RAB6A: variants seen among roughly 807,000 people sequenced by gnomAD.
RAB6A encodes ras-related protein Rab-6A.
In RAB6A, 8 loss-of-function variants were observed where a neutral mutation model predicts 32.3. The ratio of observed to expected loss-of-function variants is 0.25; its 90% CI spans 0.15 to 0.45. RAB6A has a LOEUF of 0.45. RAB6A is among the 20% of genes least tolerant of loss of function. The pLI is 1.00. For synonymous variants in RAB6A, 73 were observed against 82.1 expected (o/e 0.89, Z 0.60); for missense variants, 104 against 249.4 (o/e 0.42, Z 3.93).
At chr11:73,681,043 A>G (rs1287325516) in intron 6 of RAB6A, among the ~76,000 whole-genome samples, 1 of 152,166 alleles carries the variant, frequency 6.6e-6, no homozygotes, top group Non-Finnish European at 1.5e-5. Context: ...TCAATTATTT[A>G]TCTTTTAATT....
intron 1 of RAB6A, among the ~76,000 whole-genome samples, chr11:73,739,284 A>ATAT (rs1555066942): frequency 3.0e-4 from 2 of 6,762 alleles, no homozygotes; most frequent in Non-Finnish European, 3.4e-4. Flanking sequence ...AAAAAAAAAA[A>ATAT]ATATATATAT....
At chr11:73,739,284 A>AAAATATATATATATATAT (rs1208877325) in intron 1 of RAB6A, among the ~76,000 whole-genome samples, 2 of 6,762 alleles carry the variant, frequency 3.0e-4, no homozygotes, top group Non-Finnish European at 3.4e-4. Flanking sequence ...AAAAAAAAAA[A>AAAATATATATATATATAT]ATATATATAT....
At chr11:73,680,076 C>T (rs897531181) in intron 6 of RAB6A, among the ~76,000 whole-genome samples, 5 of 152,056 alleles carry the variant, frequency 3.3e-5, no homozygotes, top group African/African-American at 1.2e-4. Context: ...CCAGCCCGGG[C>T]AACAGGGCGA....
At chr11:73,730,881 A>G in intron 1 of RAB6A, 58 bp from the exon 2 acceptor site, 2 of 1,344,962 alleles carry the variant, frequency 1.5e-6, no homozygotes, top group South Asian at 1.3e-5. Flanking sequence ...GGTTCTCAGA[A>G]AATTTTTCTA....
chr11:73,717,388 C>G (rs1042015799), intron 4 of RAB6A, among the ~76,000 whole-genome samples: 1 of 152,160 alleles, frequency 6.6e-6, no homozygotes, highest in Non-Finnish European at 1.5e-5. Flanking sequence ...AAGAAAGCCC[C>G]AGATACTGGG....
At chr11:73,757,547 T>C (rs768666257) in intron 1 of RAB6A, among the ~76,000 whole-genome samples, 1 of 152,116 alleles carries the variant, frequency 6.6e-6, no homozygotes, top group Non-Finnish European at 1.5e-5. Flanking sequence ...TTGGTATAAT[T>C]TGAATACTTT....
intron 3 of RAB6A, 54 bp from the exon 4 acceptor site, chr11:73,718,772 G>A (rs1456865052): frequency 6.2e-7 from 1 of 1,613,796 alleles, no homozygotes; most frequent in African/African-American, 1.3e-5. Flanking sequence ...TCAACCCGTT[G>A]CAATATACCT....
At chr11:73,718,915 A>T (rs774250337) in intron 3 of RAB6A, 197 bp from the exon 4 acceptor site, 6 of 1,534,314 alleles carry the variant, frequency 3.9e-6, no homozygotes, top group Non-Finnish European at 5.3e-6. Context: ...AAAATAAATA[A>T]AAAAAAAAAA....
chr11:73,750,911 T>G (rs557297227), intron 1 of RAB6A, among the ~76,000 whole-genome samples: 1 of 152,000 alleles, frequency 6.6e-6, no homozygotes, highest in Non-Finnish European at 1.5e-5. Flanking sequence ...CAACCTCCTA[T>G]GCTCAAGCCA....
chr11:73,724,224 C>T (rs978144555), intron 2 of RAB6A, among the ~76,000 whole-genome samples: 1 of 152,186 alleles, frequency 6.6e-6, no homozygotes, highest in African/African-American at 2.4e-5. Context: ...AGATATCCCA[C>T]TGAACACTTC....
At chr11:73,710,399 TG>T (rs1345463305) in intron 5 of RAB6A, among the ~76,000 whole-genome samples, 1 of 152,018 alleles carries the variant, frequency 6.6e-6, no homozygotes, top group African/African-American at 2.4e-5. Context: ...ACAATCATTT[TG>T]AAATAACAAT....
At chr11:73,738,339 T>C (rs1260212788) in intron 1 of RAB6A, among the ~76,000 whole-genome samples, 1 of 152,000 alleles carries the variant, frequency 6.6e-6, no homozygotes, top group Non-Finnish European at 1.5e-5. Context: ...TTAATGCCAC[T>C]GAACTACACA....
chr11:73,713,528 A>G (rs1946000559), intron 5 of RAB6A, among the ~76,000 whole-genome samples: 1 of 151,520 alleles, frequency 6.6e-6, no homozygotes, highest in Non-Finnish European at 1.5e-5. Context: ...AGATTGCGCC[A>G]CTGCACTCCA....
rs1590812905 is a variant in RAB6A, at chr11:73,675,704, T to G, written c.*2194A>C. On this transcript the variant is annotated 3_prime_UTR_variant, in exon 8 of 8. Coordinates refer to ENST00000336083, the MANE Select transcript of RAB6A (RefSeq NM_198896.2). ...AATTGTGTTTATTAAAAAAAAAACCTGGACTATGAACACACTTCAATGCTT... is the reference window on the plus strand; with the variant it reads ...AATTGTGTTTATTAAAAAAAAAACCGGGACTATGAACACACTTCAATGCTT... The G allele has an allele frequency of 1.3e-5, 2 of 156,658 alleles. No homozygotes were observed. The highest frequency in any genetic ancestry group is 3.9e-4 in the East Asian group (2 of 5,190). 9.7% of individuals were successfully genotyped at this position (156,658 alleles called of 1,614,324 possible).
intron 1 of RAB6A, among the ~76,000 whole-genome samples, chr11:73,750,866 G>C (rs1389877236): frequency 1.3e-5 from 2 of 151,982 alleles, no homozygotes; most frequent in African/African-American, 4.8e-5. Flanking sequence ...TCCCAGGCTA[G>C]AGTGAGGTGA....
At chr11:73,751,702 CAA>C (rs140328634) in intron 1 of RAB6A, among the ~76,000 whole-genome samples, 20 of 152,256 alleles carry the variant, frequency 1.3e-4, no homozygotes, top group African/African-American at 4.8e-4. Flanking sequence ...AGAGTACAAA[CAA>C]TATTAAAAGC....
chr11:73,684,534 T>A (rs1329520866), intron 6 of RAB6A, among the ~76,000 whole-genome samples: 1 of 152,204 alleles, frequency 6.6e-6, no homozygotes, highest in Non-Finnish European at 1.5e-5. Context: ...TAAACATAAC[T>A]CACACACATT....
At chr11:73,720,457 C>T (rs1382894475) in intron 3 of RAB6A, among the ~76,000 whole-genome samples, 1 of 152,118 alleles carries the variant, frequency 6.6e-6, no homozygotes, top group Non-Finnish European at 1.5e-5. Context: ...GCTGGGATTA[C>T]AGGTGTGAGC....
Position 73,739,296 on chromosome 11 carries a change from T to A in RAB6A, c.71-8473A>T, listed in dbSNP as rs1375726359. On this transcript the variant is annotated intron_variant, in intron 1 of 7. Transcript: ENST00000336083. ...AAAAAAAAAAAAAAATATATATATA[T>A]ATATATATAAATACTGGAACACCAA... Among the ~76,000 whole-genome samples the A allele has an allele frequency of 1.7e-4, 12 of 70,660 alleles. 2 individuals are homozygous for A. The highest frequency in any genetic ancestry group is 1.1e-3 in the Admixed American group (6 of 5,224). 46.4% of individuals were successfully genotyped at this position (70,660 alleles called of 152,430 possible).
Sources: gnomAD v4.1 joint callset for allele counts (sites outside exome capture counted in the v4.1 genomes callset) on GRCh38, gnomAD v4.1.1 for gene constraint, MANE v1.5 for transcripts, NCBI Gene and HGNC (gene_info 2026-07-23, HGNC 2026-07-21) for gene names.